Variants in EPHA5 observed in about 807,000 individuals in gnomAD.
The protein encoded by EPHA5 is ephrin type-A receptor 5.
In EPHA5, 60 loss-of-function variants were observed where a neutral mutation model predicts 105.0. The ratio of observed to expected loss-of-function variants is 0.57; its 90% CI spans 0.46 to 0.71. The LOEUF is 0.71. EPHA5 is among the 30% of genes least tolerant of loss of function. The pLI is 0.00. For missense variants in EPHA5, 1,218 were observed against 1,274.7 expected (o/e 0.96, Z 0.68); for synonymous variants, 513 against 449.1 (o/e 1.14, Z -1.80).
chr4:65,571,373 TAA>T (rs971851707), intron 3 of EPHA5, among the ~76,000 whole-genome samples: 8 of 149,400 alleles, frequency 5.4e-5, no homozygotes, highest in South Asian at 4.2e-4. Flanking sequence ...TCTAAATCAA[TAA>T]GTGTTAAAGT....
chr4:65,351,280 T>A (rs1033677451), intron 13 of EPHA5, 109 bp downstream of exon 13: 1 of 1,034,322 alleles, frequency 9.7e-7, no homozygotes, highest in Non-Finnish European at 1.4e-6. Flanking sequence ...ATTCTCTCTC[T>A]TTCTTTTTGA....
At chr4:65,511,827 T>C (rs1332806294) in intron 3 of EPHA5, among the ~76,000 whole-genome samples, 1 of 152,218 alleles carries the variant, frequency 6.6e-6, no homozygotes, top group Non-Finnish European at 1.5e-5. Context: ...TTGTATAAGA[T>C]AATTTATTTC....
At chr4:65,484,222 C>T (rs529298643) in intron 5 of EPHA5, among the ~76,000 whole-genome samples, 1 of 152,040 alleles carries the variant, frequency 6.6e-6, no homozygotes, top group Non-Finnish European at 1.5e-5. Flanking sequence ...CAACAGTGTG[C>T]TTTCACCATA....
chr4:65,358,179 C>T (rs182356072), intron 11 of EPHA5, among the ~76,000 whole-genome samples: 31 of 151,568 alleles, frequency 2.0e-4, no homozygotes, highest in Non-Finnish European at 2.7e-4. Context: ...GGCCACATCA[C>T]AAGAGTTGCT....
intron 3 of EPHA5, among the ~76,000 whole-genome samples, chr4:65,536,351 T>A (rs1736284222): frequency 6.6e-6 from 1 of 151,980 alleles, no homozygotes; most frequent in South Asian, 2.1e-4. Flanking sequence ...TAAACATTTT[T>A]AAAAATCACC....
At chr4:65,355,329 T>C (rs1483513681) in intron 11 of EPHA5, among the ~76,000 whole-genome samples, 2 of 151,738 alleles carry the variant, frequency 1.3e-5, no homozygotes, top group Non-Finnish European at 3.0e-5. Context: ...TATTTGTAAA[T>C]GGCTCAAGAA....
chr4:65,642,707 A>G (rs543919221), intron 2 of EPHA5, among the ~76,000 whole-genome samples: 1 of 151,838 alleles, frequency 6.6e-6, no homozygotes, highest in Admixed American at 6.6e-5. Flanking sequence ...GAAAATGAAA[A>G]TTTTGCCTCT....
At chr4:65,532,805 A>G (rs1735943645) in intron 3 of EPHA5, among the ~76,000 whole-genome samples, 1 of 151,602 alleles carries the variant, frequency 6.6e-6, no homozygotes. Flanking sequence ...GATCTCAAGT[A>G]TTTTCCAGCT....
At chr4:65,420,588 A>T (rs781454427) in intron 5 of EPHA5, 23 bp from the exon 6 acceptor site, 3 of 1,608,612 alleles carry the variant, frequency 1.9e-6, no homozygotes, top group Admixed American at 1.7e-5. Context: ...TTAAATAAGG[A>T]GCAGTATGAT....
At chr4:65,375,873 C>A (rs540888932) in intron 8 of EPHA5, among the ~76,000 whole-genome samples, 1 of 151,902 alleles carries the variant, frequency 6.6e-6, no homozygotes, top group East Asian at 1.9e-4. Context: ...TTTAGTTTGA[C>A]ACTGAAGCCC....
chr4:65,515,537 C>A (rs935802255), intron 3 of EPHA5, among the ~76,000 whole-genome samples: 5 of 152,102 alleles, frequency 3.3e-5, no homozygotes, highest in African/African-American at 1.2e-4. Context: ...GTGACAAGAT[C>A]TTACACATCT....
chr4:65,528,363 G>A (rs1412522339), intron 3 of EPHA5, among the ~76,000 whole-genome samples: 1 of 151,836 alleles, frequency 6.6e-6, no homozygotes, highest in East Asian at 1.9e-4. Context: ...ACAAAAATAT[G>A]TTTCTTAAAG....
intron 3 of EPHA5, among the ~76,000 whole-genome samples, chr4:65,586,993 T>C (rs1742184343): frequency 1.3e-5 from 2 of 152,290 alleles, no homozygotes; most frequent in East Asian, 1.9e-4. Context: ...ATTTTAATTG[T>C]ACTATTTTGC....
chr4:65,649,244 C>A (rs1160495969), intron 1 of EPHA5, among the ~76,000 whole-genome samples: 4 of 152,194 alleles, frequency 2.6e-5, no homozygotes, highest in Non-Finnish European at 5.9e-5. Flanking sequence ...AGACCATGAG[C>A]ACTGCTTATT....
chr4:65,451,553 A>G (rs1243360978), intron 5 of EPHA5, among the ~76,000 whole-genome samples: 1 of 152,192 alleles, frequency 6.6e-6, no homozygotes, highest in East Asian at 1.9e-4. Flanking sequence ...TAACAATTAA[A>G]CAGCAATATA....
chr4:65,625,132 C>T (rs994389135), intron 2 of EPHA5, among the ~76,000 whole-genome samples: 50 of 152,070 alleles, frequency 3.3e-4, no homozygotes, highest in Non-Finnish European at 1.3e-4. Flanking sequence ...TAAGTTATCT[C>T]ATATGATATA....
At chr4:65,597,914 A>G (rs759310895) in intron 3 of EPHA5, among the ~76,000 whole-genome samples, 1 of 152,150 alleles carries the variant, frequency 6.6e-6, no homozygotes, top group Non-Finnish European at 1.5e-5. Context: ...TTGAAGGTTT[A>G]GTTTGTAAAA....
chr4:65,557,058 G>T (rs1738518947), intron 3 of EPHA5, among the ~76,000 whole-genome samples: 2 of 151,524 alleles, frequency 1.3e-5, no homozygotes, highest in South Asian at 4.2e-4. Flanking sequence ...ATGAAGGTGT[G>T]ATAAGGCTTA....
At chr4:65,476,008 G>A (rs1419249139) in intron 5 of EPHA5, among the ~76,000 whole-genome samples, 1 of 151,864 alleles carries the variant, frequency 6.6e-6, no homozygotes, top group Non-Finnish European at 1.5e-5. Flanking sequence ...CATTTCCCTA[G>A]AGAAAAGAGA....
Sources: allele counts gnomAD v4.1 joint callset (sites outside exome capture counted in the v4.1 genomes callset), GRCh38; gene constraint gnomAD v4.1.1; transcripts MANE v1.5; gene names NCBI Gene and HGNC (gene_info 2026-07-23, HGNC 2026-07-21).